The following MGAT5 variants were observed in gnomAD, a reference collection of about 807,000 sequenced individuals.
MGAT5 encodes the protein alpha-1,6-mannosylglycoprotein 6-beta-N-acetylglucosaminyltransferase.
A neutral mutation model predicts 94.3 loss-of-function variants in MGAT5; 30 were observed. That is an observed-to-expected ratio of 0.32 (90% CI 0.24 to 0.43). The LOEUF (loss-of-function observed/expected upper bound fraction) is 0.43, where lower values mean the gene tolerates loss of function less well. Ranked by LOEUF, MGAT5 falls within the 20% of genes least tolerant of loss-of-function variation. The pLI is 1.00. For synonymous variants in MGAT5, 310 were observed against 322.9 expected, an observed-to-expected ratio of 0.96 and a Z score of 0.43; for missense variants, 691 against 905.5, an observed-to-expected ratio of 0.76 and a Z score of 3.04.
chr2:134,308,601 G>T (rs1190116514), intron 2 of MGAT5, among the ~76,000 whole-genome samples: 2 of 152,184 alleles, frequency 1.3e-5, no homozygotes, highest in Non-Finnish European at 2.9e-5. Flanking sequence ...TCCCAGGAAG[G>T]TACTGAAATC....
chr2:134,148,846 C>T (rs1687046649), intron 1 of MGAT5, among the ~76,000 whole-genome samples: 1 of 147,436 alleles, frequency 6.8e-6, no homozygotes, highest in Non-Finnish European at 1.5e-5. Context: ...GCAACCTCTG[C>T]CTCCCTGGTT....
At chr2:134,140,325 C>T (rs1405757301) in intron 1 of MGAT5, among the ~76,000 whole-genome samples, 2 of 152,200 alleles carry the variant, frequency 1.3e-5, no homozygotes, top group Non-Finnish European at 2.9e-5. Context: ...AGAGATGGGA[C>T]GATGTGGAGC....
Position 134,315,499 on chromosome 2 carries a change from G to A in MGAT5, c.407-2030G>A, listed in dbSNP as rs561609897. ...TTAGGGCTTCTGGAGCTGGCAGCTA[G>A]AAGGAGAGCCCCACCTCAAGTCTGC... On this transcript the variant is annotated intron_variant, in intron 2 of 15. Coordinates refer to ENST00000281923, the MANE Select transcript of MGAT5 (RefSeq NM_002410.5). 2.4e-3 allele frequency among the ~76,000 whole-genome samples: 371 copies of A among 152,318 alleles called. 3 individuals carry two copies. The highest frequency in any genetic ancestry group is 8.7e-3 in the African/African-American group (360 of 41,570).
chr2:134,152,396 C>G (rs934071981), intron 1 of MGAT5, among the ~76,000 whole-genome samples: 43 of 149,634 alleles, frequency 2.9e-4, no homozygotes, highest in African/African-American at 8.6e-4. Flanking sequence ...GGACCTCACT[C>G]ACGCCCTATG....
At chr2:134,398,442 A>G (rs1432229911) in intron 10 of MGAT5, among the ~76,000 whole-genome samples, 1 of 152,182 alleles carries the variant, frequency 6.6e-6, no homozygotes, top group Admixed American at 6.5e-5. Context: ...GAGCTGCAGA[A>G]TTTTTTAATG....
chr2:134,393,396 G>A (rs1478369091), intron 10 of MGAT5, among the ~76,000 whole-genome samples: 1 of 152,172 alleles, frequency 6.6e-6, no homozygotes, highest in African/African-American at 2.4e-5. Flanking sequence ...CCCCTTCTGT[G>A]AGACTGCTGG....
At position 134,354,640 on chromosome 2, in the gene MGAT5, G is replaced by A. The variant is rs560703476; in HGVS notation, c.1246+4702G>A. Among the ~76,000 whole-genome samples, 25 of 152,206 alleles carry A rather than the reference G, an allele frequency of 1.6e-4. 1 individual carries two copies. The South Asian group carries it at 5.0e-3, about 30-fold the overall frequency. ...TTGCCCCCAGTCTCAGAGGTTCACT[G>A]GCACCATCGTCGTCAGGTGTTCTCT... On this transcript the variant is annotated intron_variant, in intron 9 of 15. Coordinates refer to ENST00000281923, the MANE Select transcript of MGAT5 (RefSeq NM_002410.5).
chr2:134,125,635 C>T (rs1189467120), intron 1 of MGAT5, among the ~76,000 whole-genome samples: 1 of 152,196 alleles, frequency 6.6e-6, no homozygotes, highest in Non-Finnish European at 1.5e-5. Flanking sequence ...GGGTGCCTGC[C>T]TGCTTTGTTT....
At chr2:134,126,621 A>T (rs1685850506) in intron 1 of MGAT5, among the ~76,000 whole-genome samples, 1 of 152,234 alleles carries the variant, frequency 6.6e-6, no homozygotes, top group African/African-American at 2.4e-5. Flanking sequence ...ATGTTTAGAA[A>T]TAAAAAACCT....
At chr2:134,142,814 C>G (rs550229489) in intron 1 of MGAT5, among the ~76,000 whole-genome samples, 1 of 152,228 alleles carries the variant, frequency 6.6e-6, no homozygotes, top group South Asian at 2.1e-4. Flanking sequence ...AAGACAAGGT[C>G]TCACTGTGTT....
At chr2:134,150,562 G>A (rs1480410425) in intron 1 of MGAT5, among the ~76,000 whole-genome samples, 4 of 152,188 alleles carry the variant, frequency 2.6e-5, no homozygotes, top group African/African-American at 7.2e-5. Flanking sequence ...AGAGGACCAC[G>A]CTTGTGCTGG....
chr2:134,373,259 C>T (rs1198988045), intron 10 of MGAT5, among the ~76,000 whole-genome samples: 2 of 152,204 alleles, frequency 1.3e-5, no homozygotes, highest in East Asian at 3.9e-4. Context: ...GGCAGCGTCT[C>T]ACATAGTGAC....
At chr2:134,245,022 A>G (rs1394689259) in intron 1 of MGAT5, among the ~76,000 whole-genome samples, 1 of 152,050 alleles carries the variant, frequency 6.6e-6, no homozygotes, top group Non-Finnish European at 1.5e-5. Flanking sequence ...CAGAATTATT[A>G]TTATTTTTGA....
chr2:134,159,986 G>T (rs1021534801), intron 1 of MGAT5, among the ~76,000 whole-genome samples: 6 of 152,130 alleles, frequency 3.9e-5, no homozygotes, highest in African/African-American at 1.4e-4. Context: ...GGGTGGTGGT[G>T]CCATGTATCC....
At chr2:134,205,572 T>C (rs1679987859) in intron 1 of MGAT5, among the ~76,000 whole-genome samples, 1 of 152,144 alleles carries the variant, frequency 6.6e-6, no homozygotes, top group South Asian at 2.1e-4. Context: ...CGGCTCTCTT[T>C]CGGGCCTGCT....
chr2:134,129,318 T>G (rs1686006163), intron 1 of MGAT5, among the ~76,000 whole-genome samples: 1 of 152,222 alleles, frequency 6.6e-6, no homozygotes. Context: ...AGTTCTCTGC[T>G]TTTCAGGATT....
At chr2:134,377,842 T>G (rs1681281425) in intron 10 of MGAT5, among the ~76,000 whole-genome samples, 1 of 152,168 alleles carries the variant, frequency 6.6e-6, no homozygotes, top group Admixed American at 6.5e-5. Flanking sequence ...AACTCCTCTT[T>G]TAGAGAGAAA....
At chr2:134,251,133 T>G (rs1453524529), upstream of MGAT5, among the ~76,000 whole-genome samples, 1 of 152,148 alleles carries the variant, frequency 6.6e-6, no homozygotes. Context: ...CCTCATTGGC[T>G]TGCTCTAGGA....
chr2:134,164,839 CAA>C (rs78180455), intron 1 of MGAT5, among the ~76,000 whole-genome samples: 2 of 131,830 alleles, frequency 1.5e-5, no homozygotes, highest in Non-Finnish European at 3.3e-5. Flanking sequence ...ACACCCGTCT[CAA>C]AAAAAAAAAA....
Sources: allele counts gnomAD v4.1 joint callset (sites outside exome capture counted in the v4.1 genomes callset), GRCh38; gene constraint gnomAD v4.1.1; transcripts MANE v1.5; gene names NCBI Gene and HGNC (gene_info 2026-07-23, HGNC 2026-07-21).